B3GALT1: variants seen among roughly 807,000 people sequenced by gnomAD.
B3GALT1 encodes UDP-Gal:betaGlcNAc beta 1,3-galactosyltransferase, polypeptide 1.
In B3GALT1, 10 loss-of-function variants were observed where a neutral mutation model predicts 23.2. The observed-to-expected ratio is 0.43, with a 90% CI of 0.27 to 0.73. The LOEUF (loss-of-function observed/expected upper bound fraction) is 0.73, where lower values mean the gene tolerates loss of function less well. Among genes scored for constraint, B3GALT1 ranks in the 30% least tolerant of loss-of-function variants. The pLI is 0.21. For synonymous variants in B3GALT1, 156 were observed against 141.5 expected (o/e 1.10, Z -0.73); for missense variants, 299 against 405.4 (o/e 0.74, Z 2.25).
At chr2:167,682,537 G>C (rs749473951) in intron 3 of B3GALT1, among the ~76,000 whole-genome samples, 9 of 152,170 alleles carry the variant, frequency 5.9e-5, no homozygotes, top group Non-Finnish European at 1.3e-4. Context: ...TACTGCAGCA[G>C]ATTCTCAAAC....
At chr2:167,605,857 T>C (rs1684954256) in intron 2 of B3GALT1, among the ~76,000 whole-genome samples, 1 of 152,160 alleles carries the variant, frequency 6.6e-6, no homozygotes, top group East Asian at 1.9e-4. Context: ...TGCTCAGAGA[T>C]ATAGTTTATA....
chr2:167,376,591 T>G (rs1358834630), intron 1 of B3GALT1, among the ~76,000 whole-genome samples: 11 of 152,188 alleles, frequency 7.2e-5, no homozygotes, highest in Non-Finnish European at 1.2e-4. Flanking sequence ...TTTCAGAAAT[T>G]TATCTGTTTC....
intron 1 of B3GALT1, among the ~76,000 whole-genome samples, chr2:167,453,016 T>C (rs7558831): frequency 0.11 from 17,146 of 152,228 alleles, 1,125 homozygotes; most frequent in African/African-American, 0.19. Context: ...CAGAATTACA[T>C]TGGGAATTGT....
At chr2:167,473,880 C>T (rs10166160) in intron 1 of B3GALT1, among the ~76,000 whole-genome samples, 133,659 of 152,204 alleles carry the variant, frequency 0.88, 58,740 homozygotes, top group East Asian at 0.99. Context: ...CGTAGAGTAG[C>T]GTAGAGACAC....
intron 2 of B3GALT1, among the ~76,000 whole-genome samples, chr2:167,492,018 T>C (rs931830980): frequency 2.6e-5 from 4 of 152,154 alleles, no homozygotes; most frequent in Non-Finnish European, 5.9e-5. Context: ...AAGGTTTCAG[T>C]CTTTATATTG....
At chr2:167,384,087 A>C (rs762931021) in intron 1 of B3GALT1, among the ~76,000 whole-genome samples, 1 of 152,246 alleles carries the variant, frequency 6.6e-6, no homozygotes, top group Non-Finnish European at 1.5e-5. Flanking sequence ...GAACTAAAGC[A>C]AGCCTTTCCA....
At chr2:167,755,071 GC>G (rs1687795787) in intron 3 of B3GALT1, among the ~76,000 whole-genome samples, 1 of 152,086 alleles carries the variant, frequency 6.6e-6, no homozygotes, top group East Asian at 1.9e-4. Flanking sequence ...TGCACAGGTA[GC>G]CCCCAGTTTC....
At chr2:167,519,807 C>G (rs1234185981) in intron 2 of B3GALT1, among the ~76,000 whole-genome samples, 1 of 152,132 alleles carries the variant, frequency 6.6e-6, no homozygotes, top group African/African-American at 2.4e-5. Context: ...CACGGTGGCT[C>G]ACACCTGTAA....
At chr2:167,852,217 G>C (rs1288785800) in intron 4 of B3GALT1, among the ~76,000 whole-genome samples, 1 of 152,060 alleles carries the variant, frequency 6.6e-6, no homozygotes, top group Non-Finnish European at 1.5e-5. Flanking sequence ...GGTCACCCGA[G>C]GTGAAAAGCA....
At chr2:167,808,085 T>C (rs1022825869) in intron 3 of B3GALT1, among the ~76,000 whole-genome samples, 1 of 151,916 alleles carries the variant, frequency 6.6e-6, no homozygotes, top group African/African-American at 2.4e-5. Flanking sequence ...TTGATCTTTG[T>C]TGGTTTAAAG....
At chr2:167,549,957 A>T (rs775828805) in intron 2 of B3GALT1, among the ~76,000 whole-genome samples, 1 of 152,164 alleles carries the variant, frequency 6.6e-6, no homozygotes, top group African/African-American at 2.4e-5. Flanking sequence ...TTGCAATAGG[A>T]TATTCTCCAT....
intron 1 of B3GALT1, among the ~76,000 whole-genome samples, chr2:167,336,409 T>G (rs1233428000): frequency 6.6e-6 from 1 of 152,194 alleles, no homozygotes; most frequent in Admixed American, 6.5e-5. Context: ...GGTAATTAGT[T>G]GTCATTCAAA....
intron 4 of B3GALT1, among the ~76,000 whole-genome samples, chr2:167,844,399 G>A (rs571906884): frequency 2.6e-5 from 4 of 152,250 alleles, no homozygotes; most frequent in East Asian, 1.9e-4. Context: ...TGCAGGACTC[G>A]GGAGACATCC....
At chr2:167,859,168 C>T (rs1483031673) in intron 4 of B3GALT1, among the ~76,000 whole-genome samples, 1 of 152,060 alleles carries the variant, frequency 6.6e-6, no homozygotes, top group Admixed American at 6.6e-5. Context: ...CACCCGAAGC[C>T]CAATCACATT....
At chr2:167,520,612 CT>C (rs1335666712) in intron 2 of B3GALT1, among the ~76,000 whole-genome samples, 1 of 152,178 alleles carries the variant, frequency 6.6e-6, no homozygotes, top group Non-Finnish European at 1.5e-5. Flanking sequence ...GTTGCCATGA[CT>C]TTTGCTCTTG....
intron 2 of B3GALT1, among the ~76,000 whole-genome samples, chr2:167,629,740 T>G (rs1003934286): frequency 2.6e-5 from 4 of 151,738 alleles, no homozygotes; most frequent in South Asian, 4.1e-4. Context: ...AATAAAAATT[T>G]TTTGTGCATG....
chr2:167,586,601 AAGTC>A (rs1170902673), intron 2 of B3GALT1, among the ~76,000 whole-genome samples: 1 of 152,144 alleles, frequency 6.6e-6, no homozygotes, highest in Non-Finnish European at 1.5e-5. Context: ...GCCAGGCCAA[AAGTC>A]ATATTTTCAC....
chr2:167,637,830 C>CTT (rs201770741), intron 2 of B3GALT1, among the ~76,000 whole-genome samples: 1 of 145,932 alleles, frequency 6.9e-6, no homozygotes. Context: ...TGATTCCACT[C>CTT]TTTTTTTTTT....
At chr2:167,329,852 A>G (rs1696946970) in intron 1 of B3GALT1, among the ~76,000 whole-genome samples, 1 of 150,968 alleles carries the variant, frequency 6.6e-6, no homozygotes, top group African/African-American at 2.4e-5. Flanking sequence ...TCTATGTCCC[A>G]TTCTCTCAAT....
Sources: gnomAD v4.1 joint callset for allele counts (sites outside exome capture counted in the v4.1 genomes callset) on GRCh38, gnomAD v4.1.1 for gene constraint, MANE v1.5 for transcripts, NCBI Gene and HGNC (gene_info 2026-07-23, HGNC 2026-07-21) for gene names.